LCP1: variants seen among roughly 807,000 people sequenced by gnomAD.
The protein encoded by LCP1 is lymphocyte cytosolic protein 1.
A neutral mutation model predicts 72.0 loss-of-function variants in LCP1; 23 were observed. The observed-to-expected ratio is 0.32, with a 90% CI of 0.23 to 0.45. LCP1 has a LOEUF of 0.45. LCP1 is among the 20% of genes least tolerant of loss of function. LCP1 has a pLI of 1.00. For synonymous variants in LCP1, 245 were observed against 275.4 expected (o/e 0.89, Z 1.09); for missense variants, 571 against 748.3 (o/e 0.76, Z 2.76).
intron 1 of LCP1, among the ~76,000 whole-genome samples, chr13:46,162,319 C>T (rs943287332): frequency 2.1e-5 from 3 of 144,356 alleles, no homozygotes; most frequent in Admixed American, 7.0e-5. Context: ...CTCCCTCTCC[C>T]TCTCTTTCCA....
At chr13:46,175,011 C>T (rs1359304491) in intron 1 of LCP1, among the ~76,000 whole-genome samples, 9 of 152,074 alleles carry the variant, frequency 5.9e-5, no homozygotes, top group Non-Finnish European at 4.4e-5. Flanking sequence ...AAACTGCCAA[C>T]ATAAAATGAG....
chr13:46,166,105 A>T (rs1159509877), intron 1 of LCP1, among the ~76,000 whole-genome samples: 1 of 152,224 alleles, frequency 6.6e-6, no homozygotes, highest in Non-Finnish European at 1.5e-5. Flanking sequence ...GTTATCATAA[A>T]AGTACCTGAA....
chr13:46,129,637 G>A (rs982799837), intron 15 of LCP1, among the ~76,000 whole-genome samples: 1 of 152,106 alleles, frequency 6.6e-6, no homozygotes, highest in Admixed American at 6.5e-5. Flanking sequence ...CATCCCGAGA[G>A]CACAGGTTCC....
intron 13 of LCP1, among the ~76,000 whole-genome samples, chr13:46,137,227 CA>C (rs1192831519): frequency 6.7e-6 from 1 of 149,252 alleles, no homozygotes; most frequent in Non-Finnish European, 1.5e-5. Context: ...AAAAAAAACA[CA>C]AAGAGAAGAA....
intron 1 of LCP1, among the ~76,000 whole-genome samples, chr13:46,176,578 T>C (rs1241099638): frequency 2.0e-5 from 3 of 152,190 alleles, no homozygotes; most frequent in East Asian, 1.9e-4. Context: ...TTTGGATACA[T>C]AGCTTGGATA....
chr13:46,162,569 T>C (rs1038404215), intron 1 of LCP1, among the ~76,000 whole-genome samples: 19 of 152,202 alleles, frequency 1.2e-4, no homozygotes, highest in East Asian at 5.8e-4. Context: ...CCGGAGGTGC[T>C]GGGATTGCAG....
At chr13:46,136,714 T>G (rs934526587) in intron 13 of LCP1, among the ~76,000 whole-genome samples, 1 of 152,220 alleles carries the variant, frequency 6.6e-6, no homozygotes, top group Non-Finnish European at 1.5e-5. Context: ...TAGCATTTAC[T>G]GTAACATCTA....
intron 15 of LCP1, among the ~76,000 whole-genome samples, chr13:46,128,889 T>TGGTTACACCAGACACTAC (rs1720650054): frequency 6.6e-6 from 1 of 152,156 alleles, no homozygotes; most frequent in Non-Finnish European, 1.5e-5. Context: ...CCTCTTACTA[T>TGGTTACACCAGACACTAC]GGTTACACCA....
chr13:46,166,950 T>C (rs926111748), intron 1 of LCP1, among the ~76,000 whole-genome samples: 2 of 152,206 alleles, frequency 1.3e-5, no homozygotes, highest in Non-Finnish European at 2.9e-5. Context: ...AATGACTTTG[T>C]TTTTAAGAAA....
intron 3 of LCP1, 34 bp downstream of exon 3, chr13:46,158,792 A>G (rs2045819609): frequency 6.2e-7 from 1 of 1,607,586 alleles, no homozygotes; most frequent in African/African-American, 1.3e-5. Flanking sequence ...TCCAAGTTTC[A>G]AATGTGTCTC....
intron 7 of LCP1, 39 bp from the exon 8 acceptor site, chr13:46,151,117 G>A (rs370888874): frequency 1.8e-5 from 28 of 1,578,642 alleles, no homozygotes; most frequent in African/African-American, 2.7e-5. Flanking sequence ...TAAATGCAGC[G>A]ATGTTGGGGG....
At chr13:46,134,810 A>C (rs2045654142) in intron 13 of LCP1, among the ~76,000 whole-genome samples, 2 of 152,118 alleles carry the variant, frequency 1.3e-5, no homozygotes, top group African/African-American at 4.8e-5. Flanking sequence ...AAGAGGCTTT[A>C]ACCTCTTAAA....
Position 46,127,710 on chromosome 13 carries a change from T to C in LCP1, c.1765A>G (p.Met589Val). The change falls in exon 16 of 16, where the codon ATG becomes GTG. Residue 589 changes from methionine (M) to valine (V), a missense_variant. By Grantham distance (21) the Met-to-Val change is conservative. Coordinates refer to ENST00000323076, the MANE Select transcript of LCP1 (RefSeq NM_002298.5). ...KLNNAKYAIS[M>V]ARKIGARVYA... Reference sequence around the variant, plus strand: ...ACTCTTGCTCCAATTTTTCGGGCCATAGAGATGGCATATCTAAAAGGGAGA... The same window carrying C: ...ACTCTTGCTCCAATTTTTCGGGCCACAGAGATGGCATATCTAAAAGGGAGA... The C allele has an allele frequency of 3.1e-6, 5 of 1,614,072 alleles. No individual in the cohort carries two copies. The highest frequency in any genetic ancestry group is 2.2e-5 in the East Asian group (1 of 44,872).
At chr13:46,128,027 A>C (rs1315604016) in intron 15 of LCP1, among the ~76,000 whole-genome samples, 1 of 142,262 alleles carries the variant, frequency 7.0e-6, no homozygotes, top group Non-Finnish European at 1.5e-5. Flanking sequence ...TTTTGTAGAG[A>C]CAGGGGTCTC....
Position 46,127,588 on chromosome 13 carries a change from G to A in LCP1, c.*3C>T. ...ACCGCCTCCCACCCAGCCCCATTGG[G>A]CCTCACACCCTCTTCATTCCTTTCC... is the stretch of plus-strand genomic sequence containing the variant. On this transcript the variant is annotated 3_prime_UTR_variant, in exon 16 of 16. Coordinates refer to ENST00000323076, the MANE Select transcript of LCP1 (RefSeq NM_002298.5). 1 of 1,614,056 alleles carries A rather than the reference G, an allele frequency of 6.2e-7. No individual in the cohort carries two copies.
chr13:46,142,018 A>G (rs2045701389), intron 13 of LCP1, among the ~76,000 whole-genome samples: 1 of 152,192 alleles, frequency 6.6e-6, no homozygotes, highest in South Asian at 2.1e-4. Flanking sequence ...AGGCATAAAA[A>G]AGACTACTTT....
At chr13:46,136,602 A>G (rs965585147) in intron 13 of LCP1, among the ~76,000 whole-genome samples, 1 of 152,186 alleles carries the variant, frequency 6.6e-6, no homozygotes, top group African/African-American at 2.4e-5. Flanking sequence ...TTTTCAAAAT[A>G]TTTCTAGTTT....
chr13:46,132,104 G>T (rs997580333), intron 14 of LCP1, among the ~76,000 whole-genome samples: 1 of 151,404 alleles, frequency 6.6e-6, no homozygotes, highest in African/African-American at 2.4e-5. Context: ...ACATTATGTG[G>T]CCTCTTTTAC....
chr13:46,151,201 A>C, intron 7 of LCP1, 123 bp from the exon 8 acceptor site: 2 of 865,444 alleles, frequency 2.3e-6, no homozygotes, highest in Non-Finnish European at 3.4e-6. Flanking sequence ...TTTGGGGTAA[A>C]GGTTCTTGTA....
Sources: gnomAD v4.1 joint callset for allele counts (sites outside exome capture counted in the v4.1 genomes callset) on GRCh38, gnomAD v4.1.1 for gene constraint, MANE v1.5 for transcripts, NCBI Gene and HGNC (gene_info 2026-07-23, HGNC 2026-07-21) for gene names.